SLC1A6: variants seen among roughly 807,000 people sequenced by gnomAD.
The protein encoded by SLC1A6 is excitatory amino acid transporter 4.
SLC1A6 carries 15 observed loss-of-function variants against 42.1 expected under a neutral mutation model. The observed-to-expected ratio is 0.36, with a 90% confidence interval of 0.24 to 0.55. SLC1A6 has a LOEUF of 0.55. SLC1A6 is among the 20% of genes least tolerant of loss of function. SLC1A6 has a pLI of 0.88. For synonymous variants in SLC1A6, 317 were observed against 319.7 expected, an observed-to-expected ratio of 0.99 and a Z score of 0.09; for missense variants, 542 against 772.5, an observed-to-expected ratio of 0.70 and a Z score of 3.54.
intron 6 of SLC1A6, among the ~76,000 whole-genome samples, chr19:14,958,293 C>T (rs2045480096): frequency 6.6e-6 from 1 of 151,972 alleles, no homozygotes; most frequent in South Asian, 2.1e-4. Context: ...CACCTGTAGT[C>T]CCAGCTACTC....
At chr19:14,964,262 C>A in intron 5 of SLC1A6, 57 bp downstream of exon 5, 2 of 1,488,578 alleles carry the variant, frequency 1.3e-6, no homozygotes, top group Non-Finnish European at 1.9e-6. Flanking sequence ...TCCCTTCAGC[C>A]CCAAGCTCCC....
Position 14,950,171 on chromosome 19 carries a change from T to A in SLC1A6, c.*24A>T. On this transcript the variant is annotated 3_prime_UTR_variant, in exon 10 of 10. Transcript: ENST00000594383. ...CTCCCCAGCCCCCTTCCCTCCTCTC[T>A]GGGGGGGCAGAGCTGGAGGCCCCTC... 1 of 1,477,376 alleles carries A rather than the reference T, an allele frequency of 6.8e-7. No individual in the cohort carries two copies. The highest frequency in any genetic ancestry group is 9.0e-7 in the Non-Finnish European group (1 of 1,106,856). 91.5% of individuals were successfully genotyped at this position (1,477,376 alleles called of 1,614,324 possible).
chr19:15,005,014 T>G lies in SLC1A6; in HGVS notation c.6+5471A>C, dbSNP rs555280594. Reference sequence around the variant, plus strand: ...TTGCTCACATCTGAAACCCCAGAGCTTTGGTAGGCCAAGGCGGGAGGATTG... The same window carrying G: ...TTGCTCACATCTGAAACCCCAGAGCGTTGGTAGGCCAAGGCGGGAGGATTG... On this transcript the variant is annotated intron_variant, in intron 1 of 8. Coordinates refer to the SLC1A6 transcript ENST00000430939. 3.3e-5 allele frequency among the ~76,000 whole-genome samples: 5 copies of G among 152,300 alleles called. No individual in the cohort carries two copies. The South Asian group carries it at 8.3e-4, about 25-fold the overall frequency.
At chr19:14,982,988 G>A (rs1258038524), upstream of SLC1A6, among the ~76,000 whole-genome samples, 1 of 152,088 alleles carries the variant, frequency 6.6e-6, no homozygotes, top group African/African-American at 2.4e-5. Context: ...TTGCTTTAAT[G>A]GCTACCTTCA....
chr19:14,964,526 C>T (rs1429214525), intron 4 of SLC1A6, among the ~76,000 whole-genome samples, 165 bp from the exon 5 acceptor site: 4 of 152,128 alleles, frequency 2.6e-5, no homozygotes, highest in Non-Finnish European at 5.9e-5. Context: ...GATTAAAACA[C>T]TACAATAACC....
chr19:14,991,098 A>G (rs534781578), intron 1 of SLC1A6, among the ~76,000 whole-genome samples: 1 of 152,310 alleles, frequency 6.6e-6, no homozygotes, highest in South Asian at 2.1e-4. Flanking sequence ...GCTGAGTGAG[A>G]GAAGCCGGAT....
chr19:14,957,854 C>T (rs1434038193), intron 6 of SLC1A6, among the ~76,000 whole-genome samples: 2 of 152,146 alleles, frequency 1.3e-5, no homozygotes, highest in Non-Finnish European at 2.9e-5. Context: ...AGAAGGTACC[C>T]TGTGTATCTG....
In SLC1A6 at chr19:14,972,887, C is replaced by G. The variant is rs1456326080; in HGVS notation, c.24G>C (p.Leu8=). The part of the protein sequence containing the change: MSSHGNS[L]FLRESGQRLG... Reference sequence around the variant, plus strand: ...GCCGCTGGCCGCTCTCCCGCAGGAACAGGCTGTTGCCATGGCTGCTCATGG... The same window carrying G: ...GCCGCTGGCCGCTCTCCCGCAGGAAGAGGCTGTTGCCATGGCTGCTCATGG... Residue 8 remains leucine, a synonymous_variant, in exon 2 of 10, where the codon CTG becomes CTC. Transcript: ENST00000594383. The G allele has an allele frequency of 6.3e-6, 10 of 1,593,444 alleles. No homozygotes were observed. Among genetic ancestry groups the G allele is most frequent in the Non-Finnish European group, 8.5e-6 (10 of 1,170,668 alleles).
intron 9 of SLC1A6, among the ~76,000 whole-genome samples, chr19:14,951,253 C>CAAAAAAAAAAA (rs1164185118): frequency 9.2e-5 from 8 of 86,824 alleles, no homozygotes; most frequent in Admixed American, 1.5e-4. Context: ...CTCTGTCTCA[C>CAAAAAAAAAAA]AAAAAAAAAA....
upstream of SLC1A6, among the ~76,000 whole-genome samples, chr19:14,981,939 G>T (rs1240135940): frequency 6.6e-6 from 1 of 151,902 alleles, no homozygotes; most frequent in Non-Finnish European, 1.5e-5. Context: ...GATGCAGGAG[G>T]ACCGCTTGAG....
chr19:14,950,205 C>T lies in SLC1A6; in HGVS notation c.1685G>A (p.Ser562Asn). 6.4e-7 allele frequency: 1 copy of T among 1,570,014 alleles called. No individual in the cohort carries two copies. Residue 562 changes from serine (S) to asparagine (N), a missense_variant, in exon 10 of 10, where the codon AGT becomes AAT. Physicochemically the swap from Ser to Asn is conservative, Grantham distance 46. Coordinates refer to ENST00000594383, the MANE Select transcript of SLC1A6 (RefSeq NM_005071.3). ...AGAGCTGGAGGCCCCTCACATAGCA[C>T]TCTCGTTGCCTCCCCGTCCCCGGGA... ...GASRGRGGNE[S>N]AM
At chr19:14,967,696 GTTC>G (rs1210811557) in intron 4 of SLC1A6, among the ~76,000 whole-genome samples, 2 of 152,136 alleles carry the variant, frequency 1.3e-5, no homozygotes, top group South Asian at 2.1e-4. Context: ...CTGTCAAAAG[GTTC>G]TTCTTTTTCT....
intron 1 of SLC1A6, among the ~76,000 whole-genome samples, chr19:15,001,380 C>A (rs2045871833): frequency 6.6e-6 from 1 of 150,722 alleles, no homozygotes; most frequent in African/African-American, 2.4e-5. Context: ...AGACCCAAAG[C>A]AAGAAAGGGA....
rs147995700 is a variant in SLC1A6 at position 14,986,632 on chromosome 19, C to A, written c.7-13715G>T. On this transcript the variant is annotated intron_variant, in intron 1 of 8. Coordinates refer to the SLC1A6 transcript ENST00000430939. Reference sequence around the variant, plus strand: ...TTAAGACAGGGTCTCCCTCTGTCACCCAGGCTGGAGTGCAGTGGTGCAATC... The same window carrying A: ...TTAAGACAGGGTCTCCCTCTGTCACACAGGCTGGAGTGCAGTGGTGCAATC... Among the ~76,000 whole-genome samples, 216 of 151,510 alleles carry A rather than the reference C, an allele frequency of 1.4e-3. 2 individuals carry two copies. Among genetic ancestry groups the A allele is most frequent in the Middle Eastern group, 6.8e-3 (2 of 292 alleles).
chr19:14,952,381 T>C (rs1318417260), intron 9 of SLC1A6, among the ~76,000 whole-genome samples: 1 of 151,518 alleles, frequency 6.6e-6, no homozygotes, highest in Non-Finnish European at 1.5e-5. Flanking sequence ...ACCCCATCTC[T>C]ACTGAAAATA....
chr19:14,969,258 C>A (rs918119830), intron 3 of SLC1A6, among the ~76,000 whole-genome samples: 2 of 152,356 alleles, frequency 1.3e-5, no homozygotes, highest in Middle Eastern at 3.4e-3. Flanking sequence ...CACTCCTACA[C>A]CCTTTCCCAA....
chr19:15,007,111 C>T (rs952891669), intron 1 of SLC1A6, among the ~76,000 whole-genome samples: 1 of 152,130 alleles, frequency 6.6e-6, no homozygotes, highest in Non-Finnish European at 1.5e-5. Context: ...TCAATGCCCT[C>T]ATGAAGCTCA....
At chr19:14,951,273 A>AAGAAAGAAAG (rs1555704146) in intron 9 of SLC1A6, among the ~76,000 whole-genome samples, 2 of 99,756 alleles carry the variant, frequency 2.0e-5, no homozygotes, top group Non-Finnish European at 3.9e-5. Flanking sequence ...AAAAAAAAAA[A>AAGAAAGAAAG]AAAAAGAAAG....
At chr19:14,954,394 G>A in intron 7 of SLC1A6, 65 bp from the exon 8 acceptor site, 2 of 1,428,294 alleles carry the variant, frequency 1.4e-6, no homozygotes, top group South Asian at 1.2e-5. Context: ...TGGGAACAGG[G>A]TGTGGCCTAG....
Sources: allele counts gnomAD v4.1 joint callset (sites outside exome capture counted in the v4.1 genomes callset), GRCh38; gene constraint gnomAD v4.1.1; transcripts MANE v1.5; gene names NCBI Gene and HGNC (gene_info 2026-07-23, HGNC 2026-07-21).